The following CDC42BPB variants were observed in gnomAD, a reference collection of about 807,000 sequenced individuals.
The protein encoded by CDC42BPB is CDC42 binding protein kinase beta.
A neutral mutation model predicts 214.9 loss-of-function variants in CDC42BPB; 37 were observed. The observed-to-expected ratio is 0.17, with a 90% CI of 0.13 to 0.23. CDC42BPB has a LOEUF of 0.23. CDC42BPB is among the 10% of genes least tolerant of loss of function. The pLI is 1.00. For missense variants in CDC42BPB, 1,694 were observed against 2,227.0 expected, an observed-to-expected ratio of 0.76 and a Z score of 4.82; for synonymous variants, 931 against 884.0, an observed-to-expected ratio of 1.05 and a Z score of -0.94.
rs777976891 is a variant in CDC42BPB at position 102,949,863 on chromosome 14, T to C, written c.3351A>G (p.Ala1117=). The C allele has an allele frequency of 1.2e-6, 2 of 1,613,676 alleles. No homozygotes were observed. Reference sequence around the variant, plus strand: ...GCTTGCAGTCACAGACGACTGCATATGCGCGCTGCCATCCCTTCTTCACCC... The same window carrying C: ...GCTTGCAGTCACAGACGACTGCATACGCGCGCTGCCATCCCTTCTTCACCC... ...PTGVKKGWQR[A]YAVVCDCKLF... Residue 1117 remains alanine (A), a synonymous_variant, in exon 26 of 37, where the codon GCA becomes GCG. Coordinates refer to ENST00000361246, the MANE Select transcript of CDC42BPB (RefSeq NM_006035.4).
At chr14:103,003,071 G>A (rs945972400) in intron 4 of CDC42BPB, among the ~76,000 whole-genome samples, 3 of 152,046 alleles carry the variant, frequency 2.0e-5, no homozygotes. Context: ...AGGAAGCCTC[G>A]GGTCCCTGCT....
Position 102,944,336 on chromosome 14 carries a change from C to T in CDC42BPB, c.3963G>A (p.Lys1321=), listed in dbSNP as rs745552141. The T allele has an allele frequency of 1.2e-6, 2 of 1,613,132 alleles. No individual in the cohort carries two copies. Among genetic ancestry groups the T allele is most frequent in the Non-Finnish European group, 8.5e-7 (1 of 1,180,014 alleles). Residue 1321 remains lysine, a synonymous_variant, in exon 30 of 37, where the codon AAG becomes AAA. Transcript: ENST00000361246. This position sits in a 1 kb window ranked among gnomAD's most constrained non-coding sequence, Gnocchi z 6.6. The part of the protein sequence containing the change: ...LDGAEGSFDI[K]LPETKGCQLM... Reference sequence around the variant, plus strand: ...GCTGGCAGCCTTTGGTTTCCGGAAGCTTGATGTCAAAGCTGCCTTCCGCTC... The same window carrying T: ...GCTGGCAGCCTTTGGTTTCCGGAAGTTTGATGTCAAAGCTGCCTTCCGCTC...
intron 14 of CDC42BPB, among the ~76,000 whole-genome samples, chr14:102,969,914 G>T (rs887336679): frequency 6.6e-6 from 1 of 152,250 alleles, no homozygotes; most frequent in Admixed American, 6.5e-5. Context: ...GACTTACTGT[G>T]AATTGCCTGA....
At chr14:103,046,400 C>T (rs575137885) in intron 1 of CDC42BPB, among the ~76,000 whole-genome samples, 34 of 152,234 alleles carry the variant, frequency 2.2e-4, no homozygotes, top group African/African-American at 7.9e-4. Context: ...TTCCAATCGT[C>T]CCATTCATAA....
chr14:103,026,304 T>G (rs1157768904), intron 1 of CDC42BPB, among the ~76,000 whole-genome samples: 1 of 151,776 alleles, frequency 6.6e-6, no homozygotes, highest in Non-Finnish European at 1.5e-5. Flanking sequence ...GGCAGGAGAA[T>G]CGCGTGAACC....
chr14:103,046,072 A>G (rs1447006471), intron 1 of CDC42BPB, among the ~76,000 whole-genome samples: 3 of 152,132 alleles, frequency 2.0e-5, no homozygotes, highest in African/African-American at 7.2e-5. Context: ...GAATGAGAAG[A>G]GGCGCTCAGA....
At position 103,011,823 on chromosome 14, in the gene CDC42BPB, C is replaced by T. The variant is rs545725347; in HGVS notation, c.267+274G>A. On this transcript the variant is annotated intron_variant, in intron 2 of 36. Transcript: ENST00000361246. ...ATCTCCCAGGTCAGTCAGAAGCTTT[C>T]GAGTCTCCTTTCTCTTCATTCTATC... 5.9e-5 allele frequency among the ~76,000 whole-genome samples: 9 copies of T among 152,200 alleles called. No homozygotes were observed. The South Asian group carries it at 1.5e-3, about 25-fold the overall frequency.
chr14:102,952,553 G>A lies in CDC42BPB; in HGVS notation c.3117C>T (p.Cys1039=). 1.9e-6 allele frequency: 3 copies of A among 1,614,008 alleles called. No individual in the cohort carries two copies. Among genetic ancestry groups the A allele is most frequent in the Non-Finnish European group, 2.5e-6 (3 of 1,179,928 alleles). Residue 1039 remains cysteine (C), a synonymous_variant, in exon 24 of 37, where the codon TGC becomes TGT. Coordinates refer to ENST00000361246, the MANE Select transcript of CDC42BPB (RefSeq NM_006035.4). ...CAACCATCAGGGAGGTGCAGTGGCTGCACTGAGTAGGGCTGGAGAAGGACT... is the reference window on the plus strand; with the variant it reads ...CAACCATCAGGGAGGTGCAGTGGCTACACTGAGTAGGGCTGGAGAAGGACT... The part of the protein sequence containing the change: ...SIKSFSSPTQ[C]SHCTSLMVGL...
At chr14:102,980,747 CCT>C in intron 8 of CDC42BPB, 24 bp downstream of exon 8, 2 of 1,612,008 alleles carry the variant, frequency 1.2e-6, no homozygotes, top group Non-Finnish European at 1.7e-6. Flanking sequence ...AGCCAGCAAC[CCT>C]GAGAACGGTG....
At chr14:103,026,998 T>C (rs1887092658) in intron 1 of CDC42BPB, among the ~76,000 whole-genome samples, 1 of 151,712 alleles carries the variant, frequency 6.6e-6, no homozygotes, top group Non-Finnish European at 1.5e-5. Flanking sequence ...AAGACAAATA[T>C]CCCAATTTAA....
intron 1 of CDC42BPB, among the ~76,000 whole-genome samples, chr14:103,049,360 C>T (rs1027648268): frequency 8.5e-5 from 13 of 152,228 alleles, no homozygotes; most frequent in African/African-American, 2.7e-4. Flanking sequence ...GCCACAGCCC[C>T]GGAGGCCTCT....
chr14:103,034,709 T>C (rs910498225), intron 1 of CDC42BPB, among the ~76,000 whole-genome samples: 17 of 151,914 alleles, frequency 1.1e-4, no homozygotes, highest in Non-Finnish European at 2.1e-4. Context: ...TCCCAGCTAC[T>C]TGGGAGGCTG....
intron 14 of CDC42BPB, among the ~76,000 whole-genome samples, chr14:102,969,101 G>A (rs1275503006): frequency 2.0e-5 from 3 of 152,266 alleles, no homozygotes; most frequent in Non-Finnish European, 2.9e-5. Flanking sequence ...GGGCAGAGGG[G>A]CCGTGCACCC....
Position 103,004,078 on chromosome 14 carries a change from C to A in CDC42BPB, c.352-55G>T. 1.3e-6 allele frequency: 2 copies of A among 1,519,092 alleles called. No individual in the cohort carries two copies. Among genetic ancestry groups the A allele is most frequent in the South Asian group, 1.2e-5 (1 of 83,034 alleles). The allele number at this position is 1,519,092 out of a possible 1,614,324, so 94.1% of individuals were successfully genotyped here. On this transcript the variant is annotated intron_variant, in intron 3 of 36. Transcript: ENST00000361246. The surrounding 1 kb of genome is among the most constrained non-coding windows in gnomAD (Gnocchi z 5.3). ...GTTCACTGGGAAGCAGGCCAGAGAG[C>A]GTACTGCCGGTCTCGGGGTCCCTCC...
intron 1 of CDC42BPB, among the ~76,000 whole-genome samples, chr14:103,044,000 A>T (rs1298438153): frequency 6.6e-6 from 1 of 152,234 alleles, no homozygotes; most frequent in Non-Finnish European, 1.5e-5. Flanking sequence ...TATAATATCA[A>T]TGCCATCCCT....
intron 20 of CDC42BPB, among the ~76,000 whole-genome samples, chr14:102,961,263 T>G (rs1176684783): frequency 2.0e-5 from 3 of 152,134 alleles, no homozygotes; most frequent in African/African-American, 7.2e-5. Context: ...GAGTTAGGTG[T>G]ATTTTCCTAT....
At position 103,004,896 on chromosome 14, in the gene CDC42BPB, G is replaced by T. The variant is rs565153464; in HGVS notation, c.352-873C>A. 6.6e-6 allele frequency among the ~76,000 whole-genome samples: 1 copy of T among 151,762 alleles called. No homozygotes were observed. The highest frequency in any genetic ancestry group is 1.5e-5 in the Non-Finnish European group (1 of 67,942). On this transcript the variant is annotated intron_variant, in intron 3 of 36. Transcript: ENST00000361246. The surrounding 1 kb of genome is among the most constrained non-coding windows in gnomAD (Gnocchi z 5.3). ...AAAGAAAAAAAAAATGGCTGGTCAC[G>T]GTGGCCCACACCTGTGGTCCCAGCA...
At chr14:102,961,538 C>CA (rs1566860192) in intron 20 of CDC42BPB, among the ~76,000 whole-genome samples, 1 of 149,696 alleles carries the variant, frequency 6.7e-6, no homozygotes, top group South Asian at 2.1e-4. Context: ...AAACCCCCCC[C>CA]ACTTTTTTTT....
At chr14:102,996,256 C>T (rs1023531718) in intron 5 of CDC42BPB, among the ~76,000 whole-genome samples, 7 of 152,042 alleles carry the variant, frequency 4.6e-5, no homozygotes, top group East Asian at 1.9e-4. Flanking sequence ...AGGAGAATGG[C>T]GTGAACCCGG....
Sources: gnomAD v4.1 joint callset for allele counts (sites outside exome capture counted in the v4.1 genomes callset) on GRCh38, gnomAD v4.1.1 for gene constraint, Gnocchi (gnomAD v3.1) non-coding constraint, MANE v1.5 for transcripts, NCBI Gene and HGNC (gene_info 2026-07-23, HGNC 2026-07-21) for gene names.